SLC35E4: variants seen among roughly 807,000 people sequenced by gnomAD.
SLC35E4 encodes solute carrier family 35, member E4.
A neutral mutation model predicts 19.3 loss-of-function variants in SLC35E4; 15 were observed. The observed-to-expected ratio is 0.78, with a 90% CI of 0.52 to 1.20. SLC35E4 has a LOEUF of 1.20. Ranked by LOEUF, SLC35E4 falls within the 50% of genes most tolerant of loss-of-function variation. The pLI, the probability that SLC35E4 is intolerant of heterozygous loss-of-function variation, is 0.00. For missense variants in SLC35E4, 406 were observed against 472.3 expected, an observed-to-expected ratio of 0.86 and a Z score of 1.30; for synonymous variants, 219 against 219.9, an observed-to-expected ratio of 1.00 and a Z score of 0.04.
At chr22:30,663,824 C>G, downstream of SLC35E4, 2 of 1,614,216 alleles carry the variant, frequency 1.2e-6, no homozygotes, top group Non-Finnish European at 1.7e-6. Context: ...TATCCTCATA[C>G]AAGGTGTTCA....
At chr22:30,640,537 C>G (rs909529730) in intron 1 of SLC35E4, among the ~76,000 whole-genome samples, 1 of 152,112 alleles carries the variant, frequency 6.6e-6, no homozygotes, top group African/African-American at 2.4e-5. Context: ...CAGGCCCAGA[C>G]CCACTAGATC....
intron 1 of SLC35E4, among the ~76,000 whole-genome samples, chr22:30,646,048 C>A (rs1382303525): frequency 6.6e-6 from 1 of 151,254 alleles, no homozygotes; most frequent in African/African-American, 2.4e-5. Flanking sequence ...AACTCCTGGG[C>A]TCAAGCGATC....
At chr22:30,652,539 G>A (rs1405671065), downstream of SLC35E4, among the ~76,000 whole-genome samples, 2 of 152,208 alleles carry the variant, frequency 1.3e-5, no homozygotes, top group Admixed American at 1.3e-4. Flanking sequence ...CCTATGCCCA[G>A]GAATGAATAA....
chr22:30,636,363 G>A lies in SLC35E4; in HGVS notation c.-88G>A, dbSNP rs1439136923. On this transcript the variant is annotated 5_prime_UTR_variant, in exon 1 of 2. Coordinates refer to ENST00000343605, the MANE Select transcript of SLC35E4 (RefSeq NM_001001479.4). The stretch of plus-strand genomic sequence containing the variant: ...CGGGACACGGGGTCGGAGGAACCAG[G>A]ATCTAGCCTGGCCCCAAGCGGAACT... The A allele has an allele frequency of 2.1e-6, 3 of 1,426,988 alleles. No individual in the cohort carries two copies. The highest frequency in any genetic ancestry group is 2.7e-6 in the Non-Finnish European group (3 of 1,091,364). The allele number at this position is 1,426,988 out of a possible 1,614,324, so 88.4% of individuals were successfully genotyped here.
downstream of SLC35E4, chr22:30,663,447 A>C: frequency 6.2e-7 from 1 of 1,609,040 alleles, no homozygotes; most frequent in Non-Finnish European, 8.5e-7. Flanking sequence ...TCACAGTGGA[A>C]TCATCAAACG....
At chr22:30,662,316 A>AC (rs1160418578) in exon 3 of SLC35E4, 1 of 152,208 alleles carries the variant, frequency 6.6e-6, no homozygotes, top group Non-Finnish European at 1.5e-5. Context: ...CCAGGGGTCC[A>AC]CATCACATGA....
intron 2 of SLC35E4, among the ~76,000 whole-genome samples, chr22:30,658,426 C>T (rs1463738920): frequency 2.6e-5 from 4 of 151,540 alleles, no homozygotes; most frequent in Middle Eastern, 3.4e-3. Context: ...CAGTGGTGGC[C>T]AGAAAAGCAC....
chr22:30,658,960 T>C (rs1272369240), intron 2 of SLC35E4, among the ~76,000 whole-genome samples: 2 of 151,752 alleles, frequency 1.3e-5, no homozygotes, highest in Non-Finnish European at 1.5e-5. Context: ...CTGGCTAACA[T>C]GGCGAAACCG....
In SLC35E4 at chr22:30,637,027, C is replaced by A; in HGVS notation, c.577C>A (p.Leu193Ile). ...ACCCCCTACCGGCTGTGGCTTCCTG[C>A]TCGCAGCCACCTGCCTCCGCGGACT... ...RTPPTGCGFL[L>I]AATCLRGLKS... is the part of the protein sequence containing the mutation. Residue 193 changes from leucine to isoleucine, a missense_variant, in exon 1 of 2, where the codon CTC becomes ATC. Transcript: ENST00000343605. 1 of 1,591,404 alleles carries A rather than the reference C, an allele frequency of 6.3e-7. No individual in the cohort carries two copies. The highest frequency in any genetic ancestry group is 8.6e-7 in the Non-Finnish European group (1 of 1,165,430).
At chr22:30,658,448 A>G (rs2088392103) in intron 2 of SLC35E4, among the ~76,000 whole-genome samples, 1 of 151,918 alleles carries the variant, frequency 6.6e-6, no homozygotes, top group Admixed American at 6.6e-5. Context: ...TAAAACTCTG[A>G]CAAAGCGGAA....
At chr22:30,651,138 ATACT>A (rs1465051012), downstream of SLC35E4, among the ~76,000 whole-genome samples, 2 of 151,466 alleles carry the variant, frequency 1.3e-5, no homozygotes, top group African/African-American at 4.9e-5. Context: ...GTAGCACAAA[ATACT>A]TAATTGAGGG....
rs769712873 is a variant in SLC35E4, at chr22:30,646,992, G to A, written c.1014G>A (p.Arg338=). Residue 338 remains arginine (R), a synonymous_variant, in exon 2 of 2, where the codon CGG becomes CGA. Transcript: ENST00000343605. ...TCGTGGCCTCCTGGGCTGCCCGTCG[G>A]GGGCTGTGGCGGAGGGACCAGCCCA... is the stretch of plus-strand genomic sequence containing the variant. ...CEFVASWAAR[R]GLWRRDQPSK... 6.2e-7 allele frequency: 1 copy of A among 1,612,588 alleles called. No homozygotes were observed. Among genetic ancestry groups the A allele is most frequent in the Non-Finnish European group, 8.5e-7 (1 of 1,179,578 alleles).
chr22:30,659,019 G>C (rs997004151), intron 2 of SLC35E4, among the ~76,000 whole-genome samples: 3 of 151,734 alleles, frequency 2.0e-5, no homozygotes. Flanking sequence ...AGCTATTCGG[G>C]AGGCTGAGGC....
intron 1 of SLC35E4, among the ~76,000 whole-genome samples, chr22:30,642,201 G>T (rs995457946): frequency 1.4e-5 from 2 of 146,876 alleles, no homozygotes; most frequent in Non-Finnish European, 3.0e-5. Flanking sequence ...GTAGAAATGG[G>T]GTTTCATCAT....
At chr22:30,664,193 C>T (rs1328917482), downstream of SLC35E4, 2 of 608,114 alleles carry the variant, frequency 3.3e-6, no homozygotes, top group Non-Finnish European at 5.8e-6. Flanking sequence ...GTCCTCTGAC[C>T]ATCACAGCAG....
chr22:30,642,727 C>T (rs1226044660), intron 1 of SLC35E4, among the ~76,000 whole-genome samples: 1 of 80,350 alleles, frequency 1.2e-5, no homozygotes, highest in Non-Finnish European at 2.7e-5. Context: ...TGGGCAACAT[C>T]TCAAAAAAAA....
At chr22:30,654,342 C>T in intron 2 of SLC35E4, 1 of 463,934 alleles carries the variant, frequency 2.2e-6, no homozygotes, top group Non-Finnish European at 4.3e-6. Context: ...TCCTCTTCTC[C>T]TCCAGGGTGG....
downstream of SLC35E4, chr22:30,649,260 G>T: frequency 1.4e-6 from 1 of 717,034 alleles, no homozygotes; most frequent in Non-Finnish European, 2.6e-6. Context: ...GGAGGTAATG[G>T]CACCAACTGG....
chr22:30,639,993 T>G lies in SLC35E4; in HGVS notation c.619+2924T>G, dbSNP rs991350249. Among the ~76,000 whole-genome samples, 3 of 152,282 alleles carry G rather than the reference T, an allele frequency of 2.0e-5. No homozygotes were observed. In the South Asian group the frequency reaches 6.2e-4, roughly 32 times the overall value. On this transcript the variant is annotated intron_variant, in intron 1 of 1. Coordinates refer to ENST00000343605, the MANE Select transcript of SLC35E4 (RefSeq NM_001001479.4). ...TCCATGAAATCTTCACAATTTATGT[T>G]CAGAGATTGCAGTAAAGACAGGCGT...
Sources: allele counts gnomAD v4.1 joint callset (sites outside exome capture counted in the v4.1 genomes callset), GRCh38; gene constraint gnomAD v4.1.1; transcripts MANE v1.5; gene names NCBI Gene and HGNC (gene_info 2026-07-23, HGNC 2026-07-21).